Variants in DCC observed in about 807,000 individuals in gnomAD.
The protein encoded by DCC is DCC netrin 1 receptor.
A neutral mutation model predicts 172.5 loss-of-function variants in DCC; 58 were observed. That is an observed-to-expected ratio of 0.34 (90% CI 0.27 to 0.42). The LOEUF is 0.42. Among genes scored for constraint, DCC ranks in the 10% least tolerant of loss-of-function variants. DCC has a pLI of 1.00. For missense variants in DCC, 1,740 were observed against 1,791.0 expected, an observed-to-expected ratio of 0.97 and a Z score of 0.51; for synonymous variants, 709 against 644.5, an observed-to-expected ratio of 1.10 and a Z score of -1.52.
chr18:52,820,554 T>C (rs2038387273), intron 2 of DCC, among the ~76,000 whole-genome samples: 1 of 152,176 alleles, frequency 6.6e-6, no homozygotes, highest in Non-Finnish European at 1.5e-5. Context: ...TTATACTGTT[T>C]AATTTAGCCC....
intron 5 of DCC, among the ~76,000 whole-genome samples, chr18:52,940,537 C>G (rs2040445651): frequency 6.6e-6 from 1 of 152,184 alleles, no homozygotes; most frequent in Non-Finnish European, 1.5e-5. Context: ...GCCATTATGA[C>G]TGCACTGAGA....
intron 1 of DCC, among the ~76,000 whole-genome samples, chr18:52,541,799 G>T (rs2032456858): frequency 6.7e-6 from 1 of 149,598 alleles, no homozygotes; most frequent in South Asian, 2.1e-4. Context: ...TATGGCTTTG[G>T]TCTTGTTTTG....
chr18:52,841,292 A>AAAC, intron 2 of DCC, among the ~76,000 whole-genome samples: 1 of 139,988 alleles, frequency 7.1e-6, no homozygotes, highest in East Asian at 1.9e-4. Flanking sequence ...TGCTTAAAAA[A>AAAC]AAAACAACAC....
At chr18:52,594,494 G>C (rs982056809) in intron 1 of DCC, among the ~76,000 whole-genome samples, 24 of 152,216 alleles carry the variant, frequency 1.6e-4, no homozygotes, top group African/African-American at 4.6e-4. Context: ...AAACCTCATT[G>C]TTCCATTTTT....
At chr18:52,349,912 T>A (rs1984042350) in intron 1 of DCC, among the ~76,000 whole-genome samples, 1 of 152,182 alleles carries the variant, frequency 6.6e-6, no homozygotes, top group South Asian at 2.1e-4. Context: ...GGGGCCTAAC[T>A]CTGATGTGCT....
intron 1 of DCC, among the ~76,000 whole-genome samples, chr18:52,415,916 T>C (rs1036351743): frequency 5.9e-5 from 9 of 152,212 alleles, no homozygotes; most frequent in Non-Finnish European, 1.2e-4. Context: ...GTCTGCTAGC[T>C]TTTGAATATG....
intron 2 of DCC, among the ~76,000 whole-genome samples, chr18:52,896,410 A>G (rs989364413): frequency 6.6e-6 from 1 of 152,180 alleles, no homozygotes; most frequent in Non-Finnish European, 1.5e-5. Context: ...CAGTCACCAA[A>G]GATGACAGCA....
intron 7 of DCC, among the ~76,000 whole-genome samples, chr18:53,142,416 G>A (rs537291819): frequency 8.7e-4 from 133 of 152,206 alleles, no homozygotes; most frequent in African/African-American, 3.1e-3. Flanking sequence ...TAACACTGTC[G>A]TTGTTCCTTT....
chr18:52,569,686 T>C (rs1447467393), intron 1 of DCC, among the ~76,000 whole-genome samples: 1 of 152,170 alleles, frequency 6.6e-6, no homozygotes, highest in Non-Finnish European at 1.5e-5. Flanking sequence ...TCTGGCATTA[T>C]GCTAAAAGGG....
chr18:52,838,612 A>G (rs1005827123), intron 2 of DCC, among the ~76,000 whole-genome samples: 3 of 152,220 alleles, frequency 2.0e-5, no homozygotes, highest in African/African-American at 7.2e-5. Context: ...AAACAATAAT[A>G]AGTATTTACT....
At chr18:52,921,472 G>A (rs1393918399) in intron 3 of DCC, among the ~76,000 whole-genome samples, 1 of 152,068 alleles carries the variant, frequency 6.6e-6, no homozygotes, top group African/African-American at 2.4e-5. Context: ...GCTTAGGTGG[G>A]CAGATCACCT....
At chr18:52,516,155 T>C (rs1221992) in intron 1 of DCC, among the ~76,000 whole-genome samples, 53,261 of 151,936 alleles carry the variant, frequency 0.35, 9,556 homozygotes, top group Non-Finnish European at 0.37. Context: ...GCATGTAAAA[T>C]GGTACAGCCA....
At chr18:52,925,740 G>T (rs900222358) in intron 5 of DCC, among the ~76,000 whole-genome samples, 2 of 151,912 alleles carry the variant, frequency 1.3e-5, no homozygotes, top group Non-Finnish European at 2.9e-5. Flanking sequence ...AAAGGCAGAT[G>T]TTATTTGAGA....
chr18:53,483,339 G>T (rs1472056512), intron 25 of DCC, among the ~76,000 whole-genome samples: 1 of 151,622 alleles, frequency 6.6e-6, no homozygotes, highest in Non-Finnish European at 1.5e-5. Context: ...AAATAATTTA[G>T]AAAAACTATG....
intron 26 of DCC, 37 bp downstream of exon 26, chr18:53,486,995 G>C: frequency 6.2e-7 from 1 of 1,612,972 alleles, no homozygotes; most frequent in Non-Finnish European, 8.5e-7. Context: ...AAGCACAAAT[G>C]AATAATAGCA....
intron 24 of DCC, among the ~76,000 whole-genome samples, chr18:53,463,487 A>G (rs996358493): frequency 1.3e-5 from 2 of 152,212 alleles, no homozygotes; most frequent in African/African-American, 2.4e-5. Flanking sequence ...AGTGAACAGC[A>G]TTACCAAGAA....
chr18:52,728,390 C>A (rs1305480178), intron 1 of DCC, among the ~76,000 whole-genome samples: 1 of 152,148 alleles, frequency 6.6e-6, no homozygotes, highest in Non-Finnish European at 1.5e-5. Flanking sequence ...CTGAAGATTT[C>A]TCCCTGTACT....
intron 1 of DCC, among the ~76,000 whole-genome samples, chr18:52,626,849 T>C (rs2034582365): frequency 6.6e-6 from 1 of 152,210 alleles, no homozygotes; most frequent in African/African-American, 2.4e-5. Context: ...AAGTATGTAG[T>C]TAGATGCATA....
At chr18:53,231,607 T>C (rs1449190339) in intron 12 of DCC, among the ~76,000 whole-genome samples, 1 of 152,092 alleles carries the variant, frequency 6.6e-6, no homozygotes, top group Non-Finnish European at 1.5e-5. Context: ...TCTAGACTTA[T>C]TTCAGGTCTG....
Sources: allele counts gnomAD v4.1 joint callset (sites outside exome capture counted in the v4.1 genomes callset), GRCh38; gene constraint gnomAD v4.1.1; transcripts MANE v1.5; gene names NCBI Gene and HGNC (gene_info 2026-07-23, HGNC 2026-07-21).